Variants in PAWR observed in about 807,000 individuals in gnomAD.
PAWR encodes the protein pro-apoptotic WT1 regulator, also known as PRKC apoptosis WT1 regulator protein.
Under a neutral mutation model 32.0 loss-of-function variants are expected in PAWR, and 23 were observed. That is an observed-to-expected ratio of 0.72 (90% confidence interval 0.52 to 1.02). PAWR has a LOEUF of 1.02. Among genes scored for constraint, PAWR ranks in the 50% least tolerant of loss-of-function variants. PAWR has a pLI of 0.00. For missense variants in PAWR, 457 were observed against 437.7 expected, an observed-to-expected ratio of 1.04 and a Z score of -0.39; for synonymous variants, 226 against 187.1, an observed-to-expected ratio of 1.21 and a Z score of -1.70.
chr12:79,687,172 TCGACTTCAG>T (rs1401249427), intron 2 of PAWR, among the ~76,000 whole-genome samples: 1 of 152,218 alleles, frequency 6.6e-6, no homozygotes, highest in African/African-American at 2.4e-5. Context: ...TCTGGATAGA[TCGACTTCAG>T]CCATCACATG....
chr12:79,619,951 C>T (rs959173406), intron 3 of PAWR, among the ~76,000 whole-genome samples: 1 of 152,144 alleles, frequency 6.6e-6, no homozygotes, highest in Non-Finnish European at 1.5e-5. Context: ...GGTACAGTGG[C>T]AGATCAGAAC....
In PAWR at chr12:79,690,213, C is replaced by A. The variant is rs1191402753; in HGVS notation, c.32G>T (p.Gly11Val). ...GAAGTCTGTGGTGCTGCCGCCGAGG[C>A]CGCTGCTGGTCCGGTAGCCACCGGT... Reference protein sequence around the residue: MATGGYRTSSGLGGSTTDFLE... With the variant: MATGGYRTSSVLGGSTTDFLE... The change falls in exon 2 of 7, where the codon GGC becomes GTC. Residue 11 changes from glycine to valine, a missense_variant. Transcript: ENST00000328827. 1 of 1,526,974 alleles carries A rather than the reference C, an allele frequency of 6.5e-7. No homozygotes were observed. Among genetic ancestry groups the A allele is most frequent in the African/African-American group, 1.4e-5 (1 of 70,774 alleles). The allele number at this position is 1,526,974 out of a possible 1,614,324, so 94.6% of individuals were successfully genotyped here.
chr12:79,645,250 A>G (rs774758770), intron 2 of PAWR, among the ~76,000 whole-genome samples: 1 of 152,230 alleles, frequency 6.6e-6, no homozygotes, highest in African/African-American at 2.4e-5. Context: ...CTAAGTTATT[A>G]GGACATAAAT....
In PAWR at chr12:79,645,036, CCACA is replaced by C. The variant is rs60664351; in HGVS notation, c.517-23833_517-23830del. On this transcript the variant is annotated intron_variant, in intron 2 of 6. Coordinates refer to ENST00000328827, the MANE Select transcript of PAWR (RefSeq NM_002583.4). ...AAGAATCATGCTCCCTCCACCCCCA[CCACA>C]CACACACACACACACACACACACAC... 2.4e-4 allele frequency among the ~76,000 whole-genome samples: 29 copies of C among 119,950 alleles called. No individual in the cohort carries two copies. The East Asian group carries it at 3.5e-3, about 15-fold the overall frequency. The allele number at this position is 119,950 out of a possible 152,430, so 78.7% of individuals were successfully genotyped here.
At chr12:79,668,280 C>G (rs919174318) in intron 2 of PAWR, 4 of 152,338 alleles carry the variant, frequency 2.6e-5, no homozygotes, top group Non-Finnish European at 5.9e-5. Flanking sequence ...TTTACCCTTA[C>G]GCCTAAGGGC....
intron 2 of PAWR, among the ~76,000 whole-genome samples, chr12:79,665,677 T>C (rs1877568151): frequency 2.6e-5 from 4 of 152,220 alleles, no homozygotes; most frequent in African/African-American, 9.6e-5. Context: ...ACTACTCTGA[T>C]ATACATCTCC....
At chr12:79,621,029 T>C (rs1333195947) in intron 3 of PAWR, 47 bp downstream of exon 3, 6 of 1,447,568 alleles carry the variant, frequency 4.1e-6, no homozygotes, top group Non-Finnish European at 5.6e-6. Context: ...AATTGAAAAA[T>C]TGCCATTAAA....
At chr12:79,668,542 T>A (rs1420923065) in intron 2 of PAWR, 1 of 152,216 alleles carries the variant, frequency 6.6e-6, no homozygotes, top group Non-Finnish European at 1.5e-5. Flanking sequence ...ATGGGGAGGA[T>A]GGTTTCTGGA....
At chr12:79,657,204 TTC>T (rs1274194303) in intron 2 of PAWR, among the ~76,000 whole-genome samples, 1 of 152,120 alleles carries the variant, frequency 6.6e-6, no homozygotes, top group East Asian at 1.9e-4. Flanking sequence ...TTATATAAAA[TTC>T]TAGAAAATTC....
chr12:79,626,079 G>A lies in PAWR; in HGVS notation c.517-4872C>T, dbSNP rs1167784752. On this transcript the variant is annotated intron_variant, in intron 2 of 6. Transcript: ENST00000328827. ...CTCGGGAGGCTGAGGCAGGAGAATGGAGTGAACCCGGGAGGCGGAGCTTGC... is the reference window on the plus strand; with the variant it reads ...CTCGGGAGGCTGAGGCAGGAGAATGAAGTGAACCCGGGAGGCGGAGCTTGC... Among the ~76,000 whole-genome samples, 22 of 136,442 alleles carry A rather than the reference G, an allele frequency of 1.6e-4. No individual in the cohort carries two copies. The East Asian group carries it at 5.3e-3, about 33-fold the overall frequency. The allele number at this position is 136,442 out of a possible 152,430, so 89.5% of individuals were successfully genotyped here.
intron 2 of PAWR, among the ~76,000 whole-genome samples, chr12:79,688,221 C>T (rs1226519490): frequency 6.8e-6 from 1 of 147,938 alleles, no homozygotes; most frequent in Admixed American, 6.8e-5. Flanking sequence ...AAACATTACC[C>T]TTGTTTAAAA....
chr12:79,645,836 G>A (rs563176584), intron 2 of PAWR, among the ~76,000 whole-genome samples: 7 of 152,112 alleles, frequency 4.6e-5, no homozygotes, highest in Non-Finnish European at 7.4e-5. Context: ...GCCAGCTCAC[G>A]GTGATTTGAT....
intron 2 of PAWR, among the ~76,000 whole-genome samples, chr12:79,664,847 T>A (rs755624616): frequency 6.6e-6 from 1 of 152,064 alleles, no homozygotes; most frequent in African/African-American, 2.4e-5. Context: ...AAAATAGTGA[T>A]TATTGTGCAA....
At chr12:79,626,265 C>CTT (rs1393075455) in intron 2 of PAWR, among the ~76,000 whole-genome samples, 1 of 138,084 alleles carries the variant, frequency 7.2e-6, no homozygotes, top group Non-Finnish European at 1.6e-5. Flanking sequence ...AATGAAATGA[C>CTT]TTTTTTTTTT....
intron 2 of PAWR, among the ~76,000 whole-genome samples, chr12:79,677,681 T>C (rs1878235737): frequency 6.6e-6 from 1 of 152,172 alleles, no homozygotes; most frequent in South Asian, 2.1e-4. Context: ...GCCCTTGAGT[T>C]CCTCGAAGAT....
At chr12:79,617,347 G>A (rs906127708) in intron 3 of PAWR, among the ~76,000 whole-genome samples, 14 of 152,062 alleles carry the variant, frequency 9.2e-5, no homozygotes, top group Admixed American at 5.9e-4. Flanking sequence ...GCAAGACTCC[G>A]TCTCAAAAAA....
chr12:79,647,723 A>G (rs1876643356), intron 2 of PAWR, among the ~76,000 whole-genome samples: 1 of 152,238 alleles, frequency 6.6e-6, no homozygotes, highest in Non-Finnish European at 1.5e-5. Flanking sequence ...ATTTACTTCT[A>G]GCACCAGTTC....
intron 4 of PAWR, among the ~76,000 whole-genome samples, chr12:79,613,157 C>T (rs574261583): frequency 6.6e-6 from 1 of 152,270 alleles, no homozygotes; most frequent in East Asian, 1.9e-4. Flanking sequence ...GGAAGAGAGT[C>T]CTCACCAGAA....
intron 6 of PAWR, among the ~76,000 whole-genome samples, 200 bp downstream of exon 6, chr12:79,594,129 G>T (rs979214106): frequency 3.0e-4 from 46 of 152,046 alleles, no homozygotes; most frequent in African/African-American, 1.0e-3. Context: ...ATCTCCAAAA[G>T]AATAAAATTA....
Sources: allele counts gnomAD v4.1 joint callset (sites outside exome capture counted in the v4.1 genomes callset), GRCh38; gene constraint gnomAD v4.1.1; transcripts MANE v1.5; gene names NCBI Gene and HGNC (gene_info 2026-07-23, HGNC 2026-07-21).